The following LIN7A variants were observed in gnomAD, a reference collection of about 807,000 sequenced individuals.
The protein encoded by LIN7A is lin-7 cell polarity scaffold A.
In LIN7A, 25 loss-of-function variants were observed where a neutral mutation model predicts 29.8. The ratio of observed to expected loss-of-function variants is 0.84; its 90% confidence interval spans 0.61 to 1.17. LIN7A has a LOEUF of 1.17. Ranked by LOEUF, LIN7A falls within the 50% of genes most tolerant of loss-of-function variation. LIN7A has a pLI of 0.00. For missense variants in LIN7A, 239 were observed against 287.0 expected, an observed-to-expected ratio of 0.83 and a Z score of 1.21; for synonymous variants, 118 against 107.5, an observed-to-expected ratio of 1.10 and a Z score of -0.60.
At chr12:80,913,599 C>T (rs937503942) in intron 1 of LIN7A, among the ~76,000 whole-genome samples, 2 of 152,084 alleles carry the variant, frequency 1.3e-5, no homozygotes, top group African/African-American at 2.4e-5. Flanking sequence ...CAGAAATCAC[C>T]GACTGCTCAA....
At chr12:80,897,170 A>G (rs1875948545) in intron 1 of LIN7A, among the ~76,000 whole-genome samples, 1 of 151,804 alleles carries the variant, frequency 6.6e-6, no homozygotes, top group Admixed American at 6.6e-5. Context: ...TCATGAAATC[A>G]AGTTTTGCCT....
chr12:80,842,160 G>GT (rs1215224150), intron 4 of LIN7A: 1 of 1,269,600 alleles, frequency 7.9e-7, no homozygotes, highest in Non-Finnish European at 1.0e-6. Context: ...TTCAATTGCT[G>GT]TATTTTGTCT....
rs149724114 is a variant in LIN7A at position 80,935,336 on chromosome 12, G to C, written c.82+2305C>G. On this transcript the variant is annotated intron_variant, in intron 1 of 5. Transcript: ENST00000552864. The stretch of plus-strand genomic sequence containing the variant: ...AGCAGCCTGGGAGAGAGGTGATCTG[G>C]AAAATCTCCCAGTAGGTGACCAAAA... 2.5e-3 allele frequency among the ~76,000 whole-genome samples: 385 copies of C among 152,232 alleles called. 2 individuals are homozygous for C. Among genetic ancestry groups the C allele is most frequent in the African/African-American group, 9.0e-3 (374 of 41,512 alleles).
intron 1 of LIN7A, chr12:80,935,731 T>G (rs763378668): frequency 4.2e-6 from 2 of 472,764 alleles, no homozygotes; most frequent in East Asian, 5.8e-5. Context: ...TGCTGATGAA[T>G]TTTTTCAGAC....
At chr12:80,867,088 G>C (rs1332748682) in intron 2 of LIN7A, among the ~76,000 whole-genome samples, 2 of 152,190 alleles carry the variant, frequency 1.3e-5, no homozygotes, top group South Asian at 2.1e-4. Flanking sequence ...AGTAGCTGGG[G>C]TTACAGGTAT....
At chr12:80,835,863 A>G (rs1041660192) in intron 4 of LIN7A, among the ~76,000 whole-genome samples, 2 of 152,220 alleles carry the variant, frequency 1.3e-5, no homozygotes, top group Admixed American at 6.5e-5. Context: ...ACAATAAAGT[A>G]AAAGTTTGTA....
At chr12:80,827,384 C>CACAA (rs3072346) in intron 4 of LIN7A, among the ~76,000 whole-genome samples, 53,058 of 150,412 alleles carry the variant, frequency 0.35, 9,680 homozygotes, top group Non-Finnish European at 0.41. Context: ...GAGACTCTGT[C>CACAA]ACAAACAAAC....
At chr12:80,885,042 T>C (rs1875256919) in intron 2 of LIN7A, among the ~76,000 whole-genome samples, 1 of 152,150 alleles carries the variant, frequency 6.6e-6, no homozygotes, top group South Asian at 2.1e-4. Flanking sequence ...TCCTTTGTAC[T>C]CTGTATTCTT....
chr12:80,827,872 T>G (rs1450529543), intron 4 of LIN7A, among the ~76,000 whole-genome samples: 3 of 152,178 alleles, frequency 2.0e-5, no homozygotes, highest in Admixed American at 2.0e-4. Context: ...CTCTATAACC[T>G]TATGTCTAAT....
intron 2 of LIN7A, among the ~76,000 whole-genome samples, chr12:80,872,270 C>T (rs891553251): frequency 6.6e-6 from 1 of 151,996 alleles, no homozygotes; most frequent in Non-Finnish European, 1.5e-5. Flanking sequence ...ACTTGCAGTC[C>T]TTAAGTCATG....
At chr12:80,836,090 A>T (rs529542549) in intron 4 of LIN7A, among the ~76,000 whole-genome samples, 1 of 152,210 alleles carries the variant, frequency 6.6e-6, no homozygotes, top group Non-Finnish European at 1.5e-5. Context: ...CAGATTTCAG[A>T]ATTGATTTCA....
chr12:80,895,244 T>A (rs1875824857), intron 1 of LIN7A, among the ~76,000 whole-genome samples: 1 of 152,194 alleles, frequency 6.6e-6, no homozygotes, highest in African/African-American at 2.4e-5. Flanking sequence ...TCAAAAGACT[T>A]CCTTCAAAAT....
intron 2 of LIN7A, among the ~76,000 whole-genome samples, chr12:80,882,324 G>A (rs1479295147): frequency 3.6e-5 from 2 of 56,100 alleles, no homozygotes; most frequent in Admixed American, 2.0e-4. Context: ...TCGCTCTGTC[G>A]CCCAGGCTGG....
intron 1 of LIN7A, among the ~76,000 whole-genome samples, chr12:80,930,811 G>T (rs1408170928): frequency 6.6e-6 from 1 of 152,154 alleles, no homozygotes; most frequent in Non-Finnish European, 1.5e-5. Context: ...ATTATTTTAG[G>T]TTAGAAGGCT....
intron 2 of LIN7A, among the ~76,000 whole-genome samples, chr12:80,849,100 A>C (rs924275842): frequency 1.2e-4 from 19 of 152,176 alleles, no homozygotes; most frequent in African/African-American, 4.6e-4. Flanking sequence ...TTGACAAAGT[A>C]GTCTGTACTA....
intron 2 of LIN7A, among the ~76,000 whole-genome samples, chr12:80,872,298 C>T (rs1024389985): frequency 4.6e-5 from 7 of 152,016 alleles, no homozygotes; most frequent in African/African-American, 1.7e-4. Flanking sequence ...TGAAAAAGTC[C>T]TCCCTCAGCT....
intron 1 of LIN7A, among the ~76,000 whole-genome samples, chr12:80,913,912 A>G (rs914773560): frequency 6.6e-6 from 1 of 152,186 alleles, no homozygotes; most frequent in Non-Finnish European, 1.5e-5. Context: ...TTTGGCGTCT[A>G]TGCTTCTGAA....
intron 4 of LIN7A, among the ~76,000 whole-genome samples, chr12:80,817,248 G>A (rs1871579391): frequency 6.6e-6 from 1 of 151,932 alleles, no homozygotes; most frequent in South Asian, 2.1e-4. Context: ...CTACATACAT[G>A]AATTTGCTCA....
intron 1 of LIN7A, among the ~76,000 whole-genome samples, chr12:80,895,256 G>A (rs528804073): frequency 1.3e-5 from 2 of 152,200 alleles, no homozygotes; most frequent in Admixed American, 1.3e-4. Context: ...CTTCAAAATA[G>A]CTGGAACATT....
Sources: gnomAD v4.1 joint callset for allele counts (sites outside exome capture counted in the v4.1 genomes callset) on GRCh38, gnomAD v4.1.1 for gene constraint, MANE v1.5 for transcripts, NCBI Gene and HGNC (gene_info 2026-07-23, HGNC 2026-07-21) for gene names.